Variants in NAALADL2 observed in about 807,000 individuals in gnomAD.
NAALADL2 encodes the protein inactive N-acetylated-alpha-linked acidic dipeptidase-like protein 2.
A neutral mutation model predicts 87.2 loss-of-function variants in NAALADL2; 76 were observed. The observed-to-expected ratio is 0.87, with a 90% confidence interval of 0.72 to 1.05. The LOEUF (loss-of-function observed/expected upper bound fraction) is 1.05. NAALADL2 is among the 50% of genes least tolerant of loss of function. The pLI is 0.00. For missense variants in NAALADL2, 1,089 were observed against 945.8 expected (o/e 1.15, Z -1.99); for synonymous variants, 354 against 331.0 (o/e 1.07, Z -0.75).
At chr3:174,988,505 C>T (rs1746279384) in intron 1 of NAALADL2, among the ~76,000 whole-genome samples, 1 of 152,104 alleles carries the variant, frequency 6.6e-6, no homozygotes, top group African/African-American at 2.4e-5. Flanking sequence ...TCTGGTCTGC[C>T]ACAACCACAT....
chr3:175,374,553 G>GAA (rs765485400), intron 5 of NAALADL2, among the ~76,000 whole-genome samples: 803 of 45,398 alleles, frequency 0.018, 91 homozygotes, highest in East Asian at 0.026. Flanking sequence ...TGCATCTCCA[G>GAA]AAAAAAAAAA....
intron 3 of NAALADL2, among the ~76,000 whole-genome samples, chr3:174,780,697 G>T (rs1329604235): frequency 6.6e-6 from 1 of 152,120 alleles, no homozygotes; most frequent in Non-Finnish European, 1.5e-5. Context: ...ATGAAGCGCT[G>T]TGGAATTTTA....
chr3:175,436,192 A>G (rs879814832), intron 5 of NAALADL2, among the ~76,000 whole-genome samples: 9 of 141,844 alleles, frequency 6.3e-5, no homozygotes, highest in Non-Finnish European at 1.4e-4. Flanking sequence ...ATCATTTTTT[A>G]TGGCTGCATA....
intron 1 of NAALADL2, chr3:174,523,283 TTAAA>T (rs1311230544): frequency 2.0e-5 from 3 of 152,218 alleles, no homozygotes; most frequent in African/African-American, 7.2e-5. Flanking sequence ...CTTAACATAC[TTAAA>T]TAATAGCAGT....
chr3:174,772,204 T>C (rs1157769469), intron 3 of NAALADL2, among the ~76,000 whole-genome samples: 1 of 152,192 alleles, frequency 6.6e-6, no homozygotes, highest in African/African-American at 2.4e-5. Flanking sequence ...ATATTCAATG[T>C]CATTGGACTA....
chr3:175,401,338 C>A (rs1257356602), intron 5 of NAALADL2, among the ~76,000 whole-genome samples: 1 of 152,028 alleles, frequency 6.6e-6, no homozygotes, highest in Non-Finnish European at 1.5e-5. Flanking sequence ...TGGGTGGTTT[C>A]TTTTAACTCT....
chr3:175,198,800 T>C (rs201851604), intron 2 of NAALADL2, among the ~76,000 whole-genome samples: 33 of 147,800 alleles, frequency 2.2e-4, no homozygotes, highest in South Asian at 1.5e-3. Context: ...TTTTTTTTTT[T>C]CCCAAAAACT....
chr3:174,575,276 GTC>G (rs942313203), intron 2 of NAALADL2, among the ~76,000 whole-genome samples: 1 of 152,058 alleles, frequency 6.6e-6, no homozygotes, highest in African/African-American at 2.4e-5. Context: ...ACAAAATTAA[GTC>G]TCTGGCAAAA....
chr3:174,925,935 T>C (rs551450188), intron 1 of NAALADL2, among the ~76,000 whole-genome samples: 1 of 152,124 alleles, frequency 6.6e-6, no homozygotes, highest in South Asian at 2.1e-4. Flanking sequence ...TTCGAACCAA[T>C]CACAAAGAAG....
chr3:175,379,567 T>G (rs1232505841), intron 5 of NAALADL2, among the ~76,000 whole-genome samples: 1 of 151,452 alleles, frequency 6.6e-6, no homozygotes. Flanking sequence ...GGAGTCTCAC[T>G]CTGTCACCCA....
At chr3:175,742,459 G>A (rs1463301193) in intron 12 of NAALADL2, among the ~76,000 whole-genome samples, 2 of 152,078 alleles carry the variant, frequency 1.3e-5, no homozygotes, top group East Asian at 1.9e-4. Flanking sequence ...GTGCAGTGGC[G>A]CGATCTTGGC....
chr3:174,861,261 G>A (rs1307133493), intron 1 of NAALADL2, among the ~76,000 whole-genome samples: 2 of 151,988 alleles, frequency 1.3e-5, no homozygotes, highest in African/African-American at 4.8e-5. Context: ...AGATTCTTAA[G>A]AGCACCTATT....
chr3:174,758,652 G>A (rs1353731085), intron 3 of NAALADL2, among the ~76,000 whole-genome samples: 3 of 152,126 alleles, frequency 2.0e-5, no homozygotes, highest in Admixed American at 1.3e-4. Context: ...CCTTACAATC[G>A]ACTGTGGGGT....
At chr3:175,304,214 T>G (rs973945936) in intron 4 of NAALADL2, among the ~76,000 whole-genome samples, 2 of 152,188 alleles carry the variant, frequency 1.3e-5, no homozygotes, top group African/African-American at 4.8e-5. Flanking sequence ...TCTGGTTTCT[T>G]TCACATCAGT....
At chr3:175,053,730 C>T (rs552294140) in intron 1 of NAALADL2, among the ~76,000 whole-genome samples, 10 of 152,314 alleles carry the variant, frequency 6.6e-5, no homozygotes, top group African/African-American at 2.2e-4. Flanking sequence ...TTCCAATCCT[C>T]GAGGATTAAC....
intron 2 of NAALADL2, among the ~76,000 whole-genome samples, chr3:175,160,360 C>CTTTTTTTTTT (rs71164618): frequency 0.012 from 697 of 56,998 alleles, 106 homozygotes; most frequent in Middle Eastern, 0.036. Flanking sequence ...TCTTTTCTTT[C>CTTTTTTTTTT]TTTTTTTTTT....
chr3:175,781,716 ATTTTT>A (rs1313794477), intron 13 of NAALADL2, among the ~76,000 whole-genome samples: 1 of 146,898 alleles, frequency 6.8e-6, no homozygotes, highest in Admixed American at 6.8e-5. Context: ...TATTTTTTTT[ATTTTT>A]TTATTATACT....
intron 11 of NAALADL2, among the ~76,000 whole-genome samples, chr3:175,683,135 A>G (rs79994441): frequency 0.037 from 5,587 of 152,114 alleles, 327 homozygotes; most frequent in African/African-American, 0.13. Flanking sequence ...ATAACCAATG[A>G]CAATGTCTAC....
At chr3:175,079,970 C>CTT (rs754948428) in intron 1 of NAALADL2, among the ~76,000 whole-genome samples, 19 of 144,252 alleles carry the variant, frequency 1.3e-4, no homozygotes, top group African/African-American at 4.1e-4. Flanking sequence ...GAAATATAGA[C>CTT]TTTTTTTTTT....
Sources: gnomAD v4.1 joint callset for allele counts (sites outside exome capture counted in the v4.1 genomes callset) on GRCh38, gnomAD v4.1.1 for gene constraint, MANE v1.5 for transcripts, NCBI Gene and HGNC (gene_info 2026-07-23, HGNC 2026-07-21) for gene names.